Variants in TTC28 observed in about 807,000 individuals in gnomAD.
TTC28 encodes the protein tetratricopeptide repeat protein 28.
TTC28 carries 61 observed loss-of-function variants against 198.0 expected under a neutral mutation model. The ratio of observed to expected loss-of-function variants is 0.31; its 90% CI spans 0.25 to 0.38. The LOEUF is 0.38. Ranked by LOEUF, TTC28 falls within the 10% of genes least tolerant of loss-of-function variation. TTC28 has a pLI of 1.00. For synonymous variants in TTC28, 1,171 were observed against 1,297.8 expected (o/e 0.90, Z 2.10); for missense variants, 2,678 against 3,164.0 (o/e 0.85, Z 3.69).
intron 8 of TTC28, among the ~76,000 whole-genome samples, chr22:28,101,621 G>A (rs1017973667): frequency 2.0e-5 from 3 of 151,510 alleles, no homozygotes; most frequent in Admixed American, 6.6e-5. Context: ...CACCCACCCC[G>A]GTCTCCTAAA....
At chr22:28,620,372 A>T (rs1257446635) in intron 2 of TTC28, among the ~76,000 whole-genome samples, 8 of 151,936 alleles carry the variant, frequency 5.3e-5, no homozygotes, top group Admixed American at 5.2e-4. Flanking sequence ...AGAAAGAAAG[A>T]AACAATAGCC....
intron 2 of TTC28, among the ~76,000 whole-genome samples, chr22:28,626,116 G>T (rs540358634): frequency 8.5e-5 from 13 of 152,164 alleles, no homozygotes; most frequent in East Asian, 7.7e-4. Flanking sequence ...GAAGACAAAG[G>T]TTTCTTAAAT....
intron 2 of TTC28, among the ~76,000 whole-genome samples, chr22:28,438,336 T>C (rs2047555722): frequency 6.6e-6 from 1 of 152,176 alleles, no homozygotes; most frequent in Non-Finnish European, 1.5e-5. Flanking sequence ...GTAAAAGTAA[T>C]AAGCTATTCT....
chr22:28,104,325 C>A (rs570301161), intron 8 of TTC28, among the ~76,000 whole-genome samples: 6 of 152,176 alleles, frequency 3.9e-5, no homozygotes, highest in Non-Finnish European at 4.4e-5. Context: ...CTTCTCTGAG[C>A]CTCAGGTGAT....
intron 5 of TTC28, among the ~76,000 whole-genome samples, chr22:28,190,628 A>C (rs1374477454): frequency 2.0e-5 from 3 of 152,218 alleles, no homozygotes; most frequent in Admixed American, 2.0e-4. Context: ...ATTTCCTTGG[A>C]AACAACAACA....
intron 2 of TTC28, among the ~76,000 whole-genome samples, chr22:28,465,738 T>A (rs2048010538): frequency 6.6e-6 from 1 of 152,204 alleles, no homozygotes; most frequent in African/African-American, 2.4e-5. Flanking sequence ...TTTTCTCTGA[T>A]ATTAACAAAG....
intron 5 of TTC28, among the ~76,000 whole-genome samples, chr22:28,233,697 C>T (rs1053532029): frequency 3.9e-5 from 6 of 152,168 alleles, no homozygotes; most frequent in African/African-American, 7.2e-5. Flanking sequence ...TAATAGATCA[C>T]GAGTTAAATG....
At chr22:28,406,395 T>C (rs1282614410) in intron 2 of TTC28, among the ~76,000 whole-genome samples, 2 of 152,210 alleles carry the variant, frequency 1.3e-5, no homozygotes, top group Non-Finnish European at 2.9e-5. Flanking sequence ...TTTGAAACAG[T>C]TGTTAATGAC....
chr22:28,034,416 C>T (rs1939249691), intron 12 of TTC28, among the ~76,000 whole-genome samples: 1 of 152,242 alleles, frequency 6.6e-6, no homozygotes, highest in African/African-American at 2.4e-5. Flanking sequence ...GCCCTGCCTA[C>T]CTCTCTTGCC....
chr22:28,161,774 A>G lies in TTC28; in HGVS notation c.1441+1318T>C, dbSNP rs140914118. Among the ~76,000 whole-genome samples, 1,384 of 143,248 alleles carry G rather than the reference A, an allele frequency of 9.7e-3. 25 individuals carry two copies. The highest frequency in any genetic ancestry group is 0.032 in the African/African-American group (1,288 of 39,778). The allele number at this position is 143,248 out of a possible 152,430, so 94.0% of individuals were successfully genotyped here. On this transcript the variant is annotated intron_variant, in intron 6 of 22. Transcript: ENST00000397906. ...AGGACAGGAAAGGAAAGGAGGAAGG[A>G]AGAGAGGAATGGAGGAAGGGAGGAA...
intron 5 of TTC28, among the ~76,000 whole-genome samples, chr22:28,195,020 G>A: frequency 3.5e-4 from 1 of 2,870 alleles, no homozygotes; most frequent in Non-Finnish European, 7.5e-4. Flanking sequence ...GAACAACGAT[G>A]CAAAAATCCT....
intron 2 of TTC28, among the ~76,000 whole-genome samples, chr22:28,392,705 G>T (rs1215993627): frequency 6.6e-6 from 1 of 152,046 alleles, no homozygotes; most frequent in East Asian, 1.9e-4. Flanking sequence ...TTCGGCTCAC[G>T]CATGGTGCGC....
intron 2 of TTC28, among the ~76,000 whole-genome samples, chr22:28,362,445 T>C (rs1009195040): frequency 1.1e-4 from 17 of 152,166 alleles, no homozygotes; most frequent in African/African-American, 4.1e-4. Context: ...TGGGTATGTC[T>C]TTATCAGCAG....
At chr22:28,139,927 A>G (rs1374257327) in intron 6 of TTC28, among the ~76,000 whole-genome samples, 1 of 152,140 alleles carries the variant, frequency 6.6e-6, no homozygotes, top group Non-Finnish European at 1.5e-5. Flanking sequence ...AACACCAACT[A>G]TAGTCACCCA....
In TTC28 at chr22:28,096,361, C is replaced by T; in HGVS notation, c.3595G>A (p.Ala1199Thr). The T allele has an allele frequency of 6.4e-7, 1 of 1,551,912 alleles. No homozygotes were observed. Among genetic ancestry groups the T allele is most frequent in the Non-Finnish European group, 8.7e-7 (1 of 1,147,070 alleles). The change falls in exon 11 of 23, where the codon GCA becomes ACA. Residue 1199 changes from alanine to threonine, a missense_variant. This residue lies in a region of TTC28 where 727 missense variants were observed against 861.9 expected (regional missense o/e 0.84). Transcript: ENST00000397906. ...CGTTCCACCAGAAGATCAGCAAATG[C>T]CCTTGTCCGTCCCCTTTCTGCCACA... The part of the protein sequence containing the change: ...LAVAERGRTR[A>T]FADLLVERQT...
intron 2 of TTC28, among the ~76,000 whole-genome samples, chr22:28,389,402 G>T (rs1442145504): frequency 6.6e-6 from 1 of 151,390 alleles, no homozygotes; most frequent in Non-Finnish European, 1.5e-5. Flanking sequence ...GATTGGAATA[G>T]TTTCAGAAGG....
intron 2 of TTC28, among the ~76,000 whole-genome samples, chr22:28,520,172 T>A (rs554080618): frequency 2.0e-5 from 3 of 152,096 alleles, no homozygotes; most frequent in Non-Finnish European, 4.4e-5. Flanking sequence ...AAGCAGCAAA[T>A]AGAAGACAGA....
At chr22:28,212,421 G>A (rs1010422477) in intron 5 of TTC28, among the ~76,000 whole-genome samples, 1 of 136,732 alleles carries the variant, frequency 7.3e-6, no homozygotes, top group Non-Finnish European at 1.6e-5. Context: ...TCAAATAGAT[G>A]CAACAAAAAA....
intron 12 of TTC28, among the ~76,000 whole-genome samples, chr22:28,080,738 T>C (rs190600058): frequency 5.3e-4 from 81 of 152,346 alleles, no homozygotes; most frequent in Non-Finnish European, 7.1e-4. Flanking sequence ...GCTTTCTGTA[T>C]CATAACCAAT....
Sources: gnomAD v4.1 joint callset for allele counts (sites outside exome capture counted in the v4.1 genomes callset) on GRCh38, gnomAD v4.1.1 for gene constraint, gnomAD v4.1.1 regional missense constraint, MANE v1.5 for transcripts, NCBI Gene and HGNC (gene_info 2026-07-23, HGNC 2026-07-21) for gene names.